SPDL1: variants seen among roughly 807,000 people sequenced by gnomAD.
SPDL1 encodes the protein spindle apparatus coiled-coil protein 1.
A neutral mutation model predicts 79.5 loss-of-function variants in SPDL1; 85 were observed. The observed-to-expected ratio is 1.07, with a 90% CI of 0.90 to 1.28. The LOEUF (loss-of-function observed/expected upper bound fraction) is 1.28, where lower values mean the gene tolerates loss of function less well. SPDL1 is among the 50% of genes most tolerant of loss of function. SPDL1 has a pLI of 0.00. For missense variants in SPDL1, 703 were observed against 697.8 expected (o/e 1.01, Z -0.08); for synonymous variants, 269 against 240.3 (o/e 1.12, Z -1.10).
intron 1 of SPDL1, 185 bp downstream of exon 1, chr5:169,584,074 C>T (rs139096685): frequency 6.6e-6 from 1 of 152,346 alleles, no homozygotes; most frequent in Non-Finnish European, 1.5e-5. Context: ...GCTGGACCAC[C>T]TCGCCGCCCT....
intron 2 of SPDL1, chr5:169,590,613 A>C: frequency 2.5e-6 from 1 of 399,844 alleles, no homozygotes; most frequent in South Asian, 1.9e-5. Context: ...CTGAAAGTAA[A>C]GGCTAATTCA....
chr5:169,602,724 C>G (rs745463810), intron 11 of SPDL1, among the ~76,000 whole-genome samples: 38 of 152,154 alleles, frequency 2.5e-4, no homozygotes, highest in Non-Finnish European at 4.1e-4. Context: ...TTATTACTCC[C>G]TCCTTGGATT....
chr5:169,593,847 T>A (rs1197903419), intron 4 of SPDL1, among the ~76,000 whole-genome samples: 3 of 152,188 alleles, frequency 2.0e-5, no homozygotes, highest in African/African-American at 4.8e-5. Flanking sequence ...TGTAAAACGT[T>A]GGCTCAGTGG....
intron 8 of SPDL1, among the ~76,000 whole-genome samples, chr5:169,597,263 T>TGTGTAA (rs1339052758): frequency 1.5e-5 from 2 of 131,356 alleles, no homozygotes; most frequent in Middle Eastern, 3.8e-3. Context: ...TGTGTGTGTG[T>TGTGTAA]GTGTAAGAAT....
intron 2 of SPDL1, among the ~76,000 whole-genome samples, chr5:169,590,233 A>G (rs1483268321): frequency 6.6e-6 from 1 of 152,236 alleles, no homozygotes; most frequent in Non-Finnish European, 1.5e-5. Flanking sequence ...ATAACTAGTG[A>G]TGGCAACCTT....
At position 169,604,307 on chromosome 5, in the gene SPDL1, A is replaced by G. The variant is rs560601094; in HGVS notation, c.*100A>G. ...ACATATATCACCTTCTGGGTTATTT[A>G]CTCATTGTGCCAGGACCTGGCATTT... is the stretch of plus-strand genomic sequence containing the variant. On this transcript the variant is annotated 3_prime_UTR_variant, in exon 12 of 12. Transcript: ENST00000265295. The G allele has an allele frequency of 1.1e-4, 129 of 1,214,150 alleles. 1 individual carries two copies. The highest frequency in any genetic ancestry group is 1.7e-4 in the Admixed American group (6 of 35,646). The allele number at this position is 1,214,150 out of a possible 1,614,324, so 75.2% of individuals were successfully genotyped here.
Position 169,601,379 on chromosome 5 carries a change from G to C in SPDL1, c.1424G>C (p.Gly475Ala). Residue 475 changes from glycine to alanine, a missense_variant, in exon 11 of 12, where the codon GGA (glycine) becomes GCA (alanine). Transcript: ENST00000265295. ...TGTGTCAACAACAGTGCTCTCGGGG[G>C]AGAAGTTTATCGATTACCGCCTCAG... ...DACVNNSALG[G>A]EVYRLPPQKE... The C allele has an allele frequency of 6.2e-7, 1 of 1,614,116 alleles. No individual in the cohort carries two copies. The highest frequency in any genetic ancestry group is 8.5e-7 in the Non-Finnish European group (1 of 1,180,022).
rs560088512 is a variant in SPDL1 at position 169,603,556 on chromosome 5, T to C, written c.1671-504T>C. Among the ~76,000 whole-genome samples the C allele has an allele frequency of 1.1e-4, 17 of 152,292 alleles. 1 individual carries two copies. In the South Asian group the frequency reaches 3.3e-3, roughly 30 times the overall value. On this transcript the variant is annotated intron_variant, in intron 11 of 11. Coordinates refer to ENST00000265295, the MANE Select transcript of SPDL1 (RefSeq NM_017785.5). The stretch of plus-strand genomic sequence containing the variant: ...GCCATGACTTTTTAAAGATATTCTT[T>C]AGACTTAAAAAATAATTGGCCCAGC...
At chr5:169,596,433 A>G in intron 7 of SPDL1, 128 bp from the exon 8 acceptor site, 1 of 721,888 alleles carries the variant, frequency 1.4e-6, no homozygotes, top group Non-Finnish European at 2.2e-6. Flanking sequence ...TAGATTAGAA[A>G]TAGCTAATTT....
In SPDL1 at chr5:169,601,569, TC is replaced by T; in HGVS notation, c.1617del (p.Ala540LeufsTer6). The T allele has an allele frequency of 6.2e-7, 1 of 1,614,136 alleles. No homozygotes were observed. The highest frequency in any genetic ancestry group is 8.5e-7 in the Non-Finnish European group (1 of 1,180,022). On this transcript the variant is annotated frameshift_variant, in exon 11 of 12. Transcript: ENST00000265295. LOFTEE classifies it high-confidence loss of function. ...EKKCVKLIGV[P>X]ADAEALSERS... ...AGAAATGTGTGAAACTCATAGGAGT[TC>T]CCGCTGACGCTGAGGCCTTAAGTGA... is the stretch of plus-strand genomic sequence containing the variant.
chr5:169,597,298 G>C (rs1755637534), intron 8 of SPDL1, among the ~76,000 whole-genome samples: 1 of 151,728 alleles, frequency 6.6e-6, no homozygotes, highest in East Asian at 1.9e-4. Flanking sequence ...TAAATAAGTA[G>C]GCAGTTGTCC....
chr5:169,603,967 A>G (rs147117096), intron 11 of SPDL1, 93 bp from the exon 12 acceptor site: 7 of 1,374,390 alleles, frequency 5.1e-6, no homozygotes, highest in African/African-American at 2.9e-5. Context: ...CTTGAATACC[A>G]TGCCTTATTG....
intron 8 of SPDL1, among the ~76,000 whole-genome samples, 197 bp from the exon 9 acceptor site, chr5:169,598,279 G>A (rs1382524460): frequency 3.3e-5 from 5 of 152,104 alleles, no homozygotes. Flanking sequence ...ATCTGTATTC[G>A]GAGCCTGTTT....
intron 1 of SPDL1, among the ~76,000 whole-genome samples, chr5:169,585,432 C>G (rs945353092): frequency 1.3e-5 from 2 of 152,152 alleles, no homozygotes; most frequent in Admixed American, 1.3e-4. Context: ...TTTGAATAAA[C>G]TAAAGCAAAT....
At chr5:169,586,279 G>A (rs1249853047) in intron 1 of SPDL1, 1 of 152,248 alleles carries the variant, frequency 6.6e-6, no homozygotes, top group African/African-American at 2.4e-5. Context: ...AATTGCCTTA[G>A]CAGCAGCATC....
At chr5:169,591,502 T>C (rs1755285486) in intron 3 of SPDL1, among the ~76,000 whole-genome samples, 1 of 152,194 alleles carries the variant, frequency 6.6e-6, no homozygotes, top group African/African-American at 2.4e-5. Context: ...TCCTTGCTGA[T>C]AGTGGGTACA....
chr5:169,586,594 A>G (rs1221084126), intron 1 of SPDL1, among the ~76,000 whole-genome samples: 1 of 152,232 alleles, frequency 6.6e-6, no homozygotes, highest in African/African-American at 2.4e-5. Context: ...CATTATTTAC[A>G]TCAGTGCTTC....
chr5:169,597,830 C>T (rs959329704), intron 8 of SPDL1, among the ~76,000 whole-genome samples: 1 of 152,116 alleles, frequency 6.6e-6, no homozygotes, highest in Non-Finnish European at 1.5e-5. Context: ...GAAAGAACTA[C>T]AAATTTGGTT....
chr5:169,590,362 C>A (rs1423905263), intron 2 of SPDL1, among the ~76,000 whole-genome samples: 2 of 152,216 alleles, frequency 1.3e-5, no homozygotes, highest in Non-Finnish European at 2.9e-5. Context: ...CATTTTGAGT[C>A]ATAACTTGTC....
Sources: allele counts gnomAD v4.1 joint callset (sites outside exome capture counted in the v4.1 genomes callset), GRCh38; gene constraint gnomAD v4.1.1; transcripts MANE v1.5; gene names NCBI Gene and HGNC (gene_info 2026-07-23, HGNC 2026-07-21).